The following STOM variants were observed in gnomAD, a reference collection of about 807,000 sequenced individuals.
The protein encoded by STOM is stomatin.
Under a neutral mutation model 30.6 loss-of-function variants are expected in STOM, and 25 were observed. The observed-to-expected ratio is 0.82, with a 90% CI of 0.60 to 1.14. STOM has a LOEUF of 1.14. STOM is among the 50% of genes most tolerant of loss of function. The pLI is 0.00. For synonymous variants in STOM, 118 were observed against 130.8 expected (o/e 0.90, Z 0.67); for missense variants, 292 against 365.2 (o/e 0.80, Z 1.63).
intron 1 of STOM, among the ~76,000 whole-genome samples, chr9:121,366,824 C>T (rs1243029334): frequency 6.6e-6 from 1 of 152,016 alleles, no homozygotes; most frequent in Non-Finnish European, 1.5e-5. Context: ...GGCTTGGTAG[C>T]TCATGCCTGT....
chr9:121,352,279 C>T (rs1162019343), intron 4 of STOM, among the ~76,000 whole-genome samples: 2 of 152,080 alleles, frequency 1.3e-5, no homozygotes, highest in South Asian at 2.1e-4. Context: ...TATACTACAC[C>T]GTTTTTAAAA....
intron 1 of STOM, among the ~76,000 whole-genome samples, chr9:121,365,303 G>C (rs774784600): frequency 1.4e-4 from 22 of 152,066 alleles, no homozygotes; most frequent in Non-Finnish European, 2.2e-4. Context: ...TGACGTTAGA[G>C]AATTCAGGAA....
intron 6 of STOM, among the ~76,000 whole-genome samples, chr9:121,347,701 GA>G (rs2064301218): frequency 6.6e-6 from 1 of 152,160 alleles, no homozygotes; most frequent in South Asian, 2.1e-4. Context: ...TACATGTACT[GA>G]TACGTCCATA....
chr9:121,353,247 A>C lies in STOM; in HGVS notation c.294T>G (p.Thr98=). 6.2e-7 allele frequency: 1 copy of C among 1,611,070 alleles called. No individual in the cohort carries two copies. Among genetic ancestry groups the C allele is most frequent in the Non-Finnish European group, 8.5e-7 (1 of 1,178,670 alleles). The change falls in exon 4 of 7, where the codon ACT becomes ACG. Residue 98 remains threonine, a synonymous_variant. Coordinates refer to ENST00000286713, the MANE Select transcript of STOM (RefSeq NM_004099.6). ...CCTGAGGAGGAATATCAAATGAAAT[A>C]GTTCTCATGTCCACTTTGATGAAGC... The part of the protein sequence containing the change: ...TDSFIKVDMR[T]ISFDIPPQEI...
intron 1 of STOM, chr9:121,369,793 G>T (rs1331771370): frequency 3.2e-6 from 1 of 308,422 alleles, no homozygotes; most frequent in African/African-American, 2.1e-5. Flanking sequence ...TCCCCGCCTC[G>T]CTGGCTGCCA....
chr9:121,361,309 G>T (rs2134041989), intron 1 of STOM, among the ~76,000 whole-genome samples: 1 of 150,976 alleles, frequency 6.6e-6, no homozygotes, highest in Non-Finnish European at 1.5e-5. Context: ...ATTACTTTAG[G>T]ACTGAATCCT....
Position 121,339,724 on chromosome 9 carries a change from G to C in STOM, c.*1478C>G. 8.1e-7 allele frequency: 1 copy of C among 1,230,460 alleles called. No individual in the cohort carries two copies. The highest frequency in any genetic ancestry group is 1.0e-6 in the Non-Finnish European group (1 of 987,286). 76.2% of individuals were successfully genotyped at this position (1,230,460 alleles called of 1,614,324 possible). A position where few individuals can be genotyped will look rare whatever the true frequency, so the allele number is the denominator to read the frequency against. ...ATTCACAGACATTTGCAAAACAGAA[G>C]ATGTCTCCTAATATTATAGACTAAG... is the stretch of plus-strand genomic sequence containing the variant. On this transcript the variant is annotated 3_prime_UTR_variant, in exon 7 of 7. Coordinates refer to ENST00000286713, the MANE Select transcript of STOM (RefSeq NM_004099.6).
intron 1 of STOM, among the ~76,000 whole-genome samples, chr9:121,365,488 TTTTC>T (rs1442679875): frequency 1.3e-5 from 2 of 151,654 alleles, no homozygotes; most frequent in East Asian, 1.9e-4. Flanking sequence ...TTTTTTTTTT[TTTTC>T]CCAGCTCTTT....
Position 121,357,424 on chromosome 9 carries a change from G to GATATATATATAT in STOM, c.62-1280_62-1269dup, listed in dbSNP as rs1156937416. ...TAGTGTACACACCATATTTTTAAAT[G>GATATATATATAT]ATATATATATATATATTTATTTATT... On this transcript the variant is annotated intron_variant, in intron 1 of 6. Transcript: ENST00000286713. Among the ~76,000 whole-genome samples the GATATATATATAT allele has an allele frequency of 2.8e-4, 27 of 95,420 alleles. 2 individuals are homozygous for GATATATATATAT. The highest frequency in any genetic ancestry group is 5.1e-4 in the South Asian group (1 of 1,944). 62.6% of individuals were successfully genotyped at this position (95,420 alleles called of 152,430 possible).
At chr9:121,352,971 T>C (rs918221986) in intron 4 of STOM, among the ~76,000 whole-genome samples, 1 of 152,118 alleles carries the variant, frequency 6.6e-6, no homozygotes, top group Non-Finnish European at 1.5e-5. Context: ...CGCACATCTA[T>C]AGTCTCAGCT....
intron 1 of STOM, among the ~76,000 whole-genome samples, chr9:121,357,441 T>TATATATATATATATA (rs1564631312): frequency 0.011 from 825 of 73,950 alleles, 36 homozygotes; most frequent in East Asian, 0.077. Context: ...ATATATATAT[T>TATATATATATATATA]TATTTATTTA....
At chr9:121,343,110 T>C (rs770238138) in intron 6 of STOM, among the ~76,000 whole-genome samples, 6 of 152,222 alleles carry the variant, frequency 3.9e-5, no homozygotes, top group Admixed American at 2.6e-4. Context: ...CAAGACCTGA[T>C]TTTTGGGTCC....
rs758512810 is a variant in STOM at position 121,356,045 on chromosome 9, T to C, written c.165+8A>G. The stretch of plus-strand genomic sequence containing the variant: ...CCCCTTCCCAGAAGTGAATGAAATG[T>C]TCTTTACCTTTATGCACATCCATAT... On this transcript the variant is annotated splice_region_variant and intron_variant, in intron 2 of 6. Coordinates refer to ENST00000286713, the MANE Select transcript of STOM (RefSeq NM_004099.6). 11 of 1,612,766 alleles carry C rather than the reference T, an allele frequency of 6.8e-6. No individual in the cohort carries two copies. In the South Asian group the frequency reaches 1.2e-4, roughly 18 times the overall value.
At position 121,347,584 on chromosome 9, in the gene STOM, T is replaced by C. The variant is rs542034638; in HGVS notation, c.660+431A>G. 4.2e-4 allele frequency among the ~76,000 whole-genome samples: 64 copies of C among 152,280 alleles called. No individual in the cohort carries two copies. The South Asian group carries it at 7.7e-3, about 18-fold the overall frequency. On this transcript the variant is annotated intron_variant, in intron 6 of 6. Transcript: ENST00000286713. ...ATAAGTAAGAGATGGGTGGTATGGA[T>C]GGAATGATGACCCACTTGCTCCGAA... is the stretch of plus-strand genomic sequence containing the variant.
rs1200822411 is a variant in STOM at position 121,355,233 on chromosome 9, A to AT, written c.166-561_166-560insA. 9.1e-3 allele frequency among the ~76,000 whole-genome samples: 1,211 copies of AT among 133,784 alleles called. 23 individuals are homozygous for AT. Among genetic ancestry groups the AT allele is most frequent in the African/African-American group, 0.033 (1,124 of 34,178 alleles). The allele number at this position is 133,784 out of a possible 152,430, so 87.8% of individuals were successfully genotyped here. On this transcript the variant is annotated intron_variant, in intron 2 of 6. Transcript: ENST00000286713. The stretch of plus-strand genomic sequence containing the variant: ...TGGGCCACAAGGTGACTCCGTCTCA[A>AT]AAAAAAAAAAAAAAAAATAATAATA...
At chr9:121,359,658 C>G (rs2064431290) in intron 1 of STOM, among the ~76,000 whole-genome samples, 2 of 151,992 alleles carry the variant, frequency 1.3e-5, no homozygotes, top group Non-Finnish European at 2.9e-5. Flanking sequence ...ATTTTTAAAT[C>G]CCTTTTACAA....
chr9:121,349,181 A>G lies in STOM; in HGVS notation c.464T>C (p.Leu155Pro). The part of the protein sequence containing the change: ...LLAQTTLRNV[L>P]GTKNLSQILS... The stretch of plus-strand genomic sequence containing the variant: ...GATCTGAGAAAGATTCTTGGTGCCC[A>G]GAACATTCCTCAGAGTAGTTTGTGC... The change falls in exon 5 of 7, where the codon CTG becomes CCG. Residue 155 changes from leucine to proline, a missense_variant. By Grantham distance (98) the Leu-to-Pro change is moderately conservative. Coordinates refer to ENST00000286713, the MANE Select transcript of STOM (RefSeq NM_004099.6). The G allele has an allele frequency of 1.2e-6, 2 of 1,614,216 alleles. No homozygotes were observed. The highest frequency in any genetic ancestry group is 1.7e-6 in the Non-Finnish European group (2 of 1,180,040).
chr9:121,358,889 G>T (rs1360680831), intron 1 of STOM, among the ~76,000 whole-genome samples: 2 of 152,054 alleles, frequency 1.3e-5, no homozygotes, highest in Non-Finnish European at 2.9e-5. Flanking sequence ...GCCTTGTGTG[G>T]ACTTCCTTCA....
intron 6 of STOM, among the ~76,000 whole-genome samples, chr9:121,342,847 A>G (rs1302155814): frequency 1.3e-5 from 2 of 152,216 alleles, no homozygotes; most frequent in Non-Finnish European, 2.9e-5. Context: ...TTTCACAGGC[A>G]AAAAAGTTTG....
Sources: allele counts gnomAD v4.1 joint callset (sites outside exome capture counted in the v4.1 genomes callset), GRCh38; gene constraint gnomAD v4.1.1; transcripts MANE v1.5; gene names NCBI Gene and HGNC (gene_info 2026-07-23, HGNC 2026-07-21).